Variants in LHFPL6 observed in about 807,000 individuals in gnomAD.
LHFPL6 encodes LHFPL tetraspan subfamily member 6 protein.
A neutral mutation model predicts 20.6 loss-of-function variants in LHFPL6; 9 were observed. That is an observed-to-expected ratio of 0.44 (90% CI 0.26 to 0.76). The LOEUF (loss-of-function observed/expected upper bound fraction) is 0.76. LHFPL6 is among the 30% of genes least tolerant of loss of function. The probability of loss-of-function intolerance (pLI) is 0.20; values close to 1 mark genes in which losing one functional copy is unlikely to be tolerated. For missense variants in LHFPL6, 218 were observed against 253.5 expected (o/e 0.86, Z 0.95); for synonymous variants, 105 against 98.7 (o/e 1.06, Z -0.38).
chr13:39,460,438 T>C (rs1314746279), intron 2 of LHFPL6, among the ~76,000 whole-genome samples: 1 of 152,192 alleles, frequency 6.6e-6, no homozygotes, highest in Non-Finnish European at 1.5e-5. Context: ...GGCATTGGTC[T>C]AAGCTTATAA....
intron 2 of LHFPL6, among the ~76,000 whole-genome samples, chr13:39,571,696 A>G (rs1415926165): frequency 1.3e-5 from 2 of 152,184 alleles, no homozygotes; most frequent in African/African-American, 2.4e-5. Flanking sequence ...ACCCCACACA[A>G]CAAGGCAAGA....
intron 2 of LHFPL6, among the ~76,000 whole-genome samples, chr13:39,401,319 C>T (rs942719857): frequency 5.3e-5 from 8 of 152,230 alleles, no homozygotes; most frequent in African/African-American, 1.7e-4. Flanking sequence ...TTGTTCCTCC[C>T]TCTCTGTCTC....
intron 2 of LHFPL6, among the ~76,000 whole-genome samples, chr13:39,595,584 C>T (rs1022873165): frequency 1.7e-4 from 26 of 152,312 alleles, no homozygotes; most frequent in African/African-American, 6.0e-4. Flanking sequence ...TGAGCCACCG[C>T]GCCCAGCATG....
chr13:39,348,571 T>G (rs921522971), intron 3 of LHFPL6, among the ~76,000 whole-genome samples: 2 of 152,140 alleles, frequency 1.3e-5, no homozygotes, highest in African/African-American at 4.8e-5. Context: ...TCCCCACTGT[T>G]TTTTCCTTGG....
rs367713841 is a variant in LHFPL6 at position 39,418,776 on chromosome 13, C to G, written c.386-40250G>C. Among the ~76,000 whole-genome samples, 28 of 152,282 alleles carry G rather than the reference C, an allele frequency of 1.8e-4. 2 individuals carry two copies. The East Asian group carries it at 4.1e-3, about 22-fold the overall frequency. On this transcript the variant is annotated intron_variant, in intron 2 of 3. Transcript: ENST00000379589. ...CTTTGACAAAATTAAACAGCTTTGC[C>G]TTTCCTATCTTCTACTCTAGTAATC...
intron 3 of LHFPL6, among the ~76,000 whole-genome samples, chr13:39,345,877 C>T (rs2138332443): frequency 6.6e-6 from 1 of 152,240 alleles, no homozygotes; most frequent in Admixed American, 6.5e-5. Context: ...CTCACAGCTG[C>T]CAGAGACATG....
intron 2 of LHFPL6, among the ~76,000 whole-genome samples, chr13:39,551,690 G>T (rs1165941055): frequency 6.6e-6 from 1 of 152,114 alleles, no homozygotes; most frequent in Non-Finnish European, 1.5e-5. Context: ...GAGAAGAATT[G>T]ATTTTAACAA....
chr13:39,533,888 G>T (rs1870540117), intron 2 of LHFPL6, among the ~76,000 whole-genome samples: 1 of 152,136 alleles, frequency 6.6e-6, no homozygotes, highest in Admixed American at 6.6e-5. Context: ...AATGGTGGGT[G>T]GGGGGTGACA....
chr13:39,486,703 A>C (rs1593331915), intron 2 of LHFPL6, among the ~76,000 whole-genome samples: 2 of 152,322 alleles, frequency 1.3e-5, no homozygotes, highest in South Asian at 4.1e-4. Context: ...CCAGCTTGAA[A>C]AGCAGGGGTC....
At chr13:39,560,504 C>T (rs112612730) in intron 2 of LHFPL6, among the ~76,000 whole-genome samples, 3,269 of 118,172 alleles carry the variant, frequency 0.028, 147 homozygotes, top group African/African-American at 0.097. Context: ...TGCAAATTCT[C>T]TTTTTTTTTT....
chr13:39,583,933 T>C (rs958944077), intron 2 of LHFPL6, among the ~76,000 whole-genome samples: 3 of 152,136 alleles, frequency 2.0e-5, no homozygotes, highest in Non-Finnish European at 4.4e-5. Flanking sequence ...GTCTTGTCCC[T>C]GCTGTTCCCT....
intron 2 of LHFPL6, among the ~76,000 whole-genome samples, chr13:39,593,318 T>C (rs1159332720): frequency 6.6e-6 from 1 of 152,178 alleles, no homozygotes; most frequent in Non-Finnish European, 1.5e-5. Flanking sequence ...AGCATTCTTA[T>C]ACACCAATAA....
At chr13:39,566,850 C>T (rs1365630543) in intron 2 of LHFPL6, among the ~76,000 whole-genome samples, 2 of 151,438 alleles carry the variant, frequency 1.3e-5, no homozygotes, top group East Asian at 3.9e-4. Flanking sequence ...ATTTCTACCA[C>T]TATCTGGCTG....
chr13:39,361,322 A>ATT (rs146825087), intron 3 of LHFPL6, among the ~76,000 whole-genome samples: 1 of 41,102 alleles, frequency 2.4e-5, no homozygotes, highest in Non-Finnish European at 7.1e-5. Context: ...AATTTTTTTT[A>ATT]TTTTTTTTTA....
intron 2 of LHFPL6, among the ~76,000 whole-genome samples, chr13:39,453,776 G>A (rs754336307): frequency 2.6e-5 from 4 of 152,208 alleles, no homozygotes; most frequent in Non-Finnish European, 5.9e-5. Context: ...AGTTGAACAA[G>A]ACAGACAAAT....
intron 2 of LHFPL6, among the ~76,000 whole-genome samples, chr13:39,444,309 ATATC>A (rs1034614623): frequency 6.6e-6 from 1 of 152,240 alleles, no homozygotes; most frequent in African/African-American, 2.4e-5. Context: ...ATTTGGAAAA[ATATC>A]AGCCTGACCA....
At chr13:39,554,051 A>C (rs1238796561) in intron 2 of LHFPL6, among the ~76,000 whole-genome samples, 1 of 152,240 alleles carries the variant, frequency 6.6e-6, no homozygotes, top group African/African-American at 2.4e-5. Context: ...TCTACCTTTC[A>C]AAGTTGCTCC....
intron 2 of LHFPL6, among the ~76,000 whole-genome samples, chr13:39,528,095 G>A (rs750963330): frequency 2.0e-5 from 3 of 152,126 alleles, no homozygotes; most frequent in African/African-American, 7.2e-5. Context: ...GCTTTTGCTG[G>A]TTTTTGCTAA....
In LHFPL6 at chr13:39,506,230, G is replaced by A. The variant is rs1021875139; in HGVS notation, c.385+94602C>T. ...CGTAATATTCTGTGATCAACAGTGC[G>A]GTTAATAGATGTGATTAGGAAAACA... is the stretch of plus-strand genomic sequence containing the variant. On this transcript the variant is annotated intron_variant, in intron 2 of 3. Coordinates refer to ENST00000379589, the MANE Select transcript of LHFPL6 (RefSeq NM_005780.3). Among the ~76,000 whole-genome samples, 5 of 152,124 alleles carry A rather than the reference G, an allele frequency of 3.3e-5. No individual in the cohort carries two copies. In the South Asian group the frequency reaches 6.2e-4, roughly 19 times the overall value.
Sources: gnomAD v4.1 joint callset for allele counts (sites outside exome capture counted in the v4.1 genomes callset) on GRCh38, gnomAD v4.1.1 for gene constraint, MANE v1.5 for transcripts, NCBI Gene and HGNC (gene_info 2026-07-23, HGNC 2026-07-21) for gene names.